Variants in MAF observed in about 807,000 individuals in gnomAD.
MAF encodes transcription factor Maf.
Under a neutral mutation model 22.0 loss-of-function variants are expected in MAF, and 10 were observed. The observed-to-expected ratio is 0.45, with a 90% CI of 0.28 to 0.77. The LOEUF is 0.77. Ranked by LOEUF, MAF falls within the 30% of genes least tolerant of loss-of-function variation. The probability of loss-of-function intolerance (pLI) is 0.12; values close to 1 mark genes in which losing one functional copy is unlikely to be tolerated. For synonymous variants in MAF, 337 were observed against 255.8 expected, an observed-to-expected ratio of 1.32 and a Z score of -3.03; for missense variants, 544 against 548.4, an observed-to-expected ratio of 0.99 and a Z score of 0.08.
the MAF span, among the ~76,000 whole-genome samples, chr16:79,375,075 A>T: frequency 1.3e-5 from 2 of 152,180 alleles, no homozygotes; most frequent in African/African-American, 2.4e-5. Flanking sequence ...GTTCTTGGTG[A>T]TCATTTGTAG....
At chr16:79,589,478 G>A (rs1913057549), downstream of MAF, among the ~76,000 whole-genome samples, 1 of 151,184 alleles carries the variant, frequency 6.6e-6, no homozygotes, top group Non-Finnish European at 1.5e-5. Flanking sequence ...GTCTCTAACC[G>A]AAGCAGGAAA....
At chr16:79,325,602 C>CACAT in the MAF span, among the ~76,000 whole-genome samples, 1 of 107,882 alleles carries the variant, frequency 9.3e-6, no homozygotes, top group Non-Finnish European at 1.9e-5. Flanking sequence ...GACACAAACA[C>CACAT]ACACACACAC....
chr16:79,504,667 G>A, the MAF span, among the ~76,000 whole-genome samples: 3 of 152,124 alleles, frequency 2.0e-5, no homozygotes, highest in South Asian at 4.1e-4. Flanking sequence ...ATGAATGTAT[G>A]TTTGATGGAT....
the MAF span, among the ~76,000 whole-genome samples, chr16:79,535,315 T>C: frequency 6.6e-6 from 1 of 151,670 alleles, no homozygotes; most frequent in East Asian, 2.0e-4. Context: ...AACATGTAGC[T>C]TCCTTATTTT....
At chr16:79,582,719 T>A (rs1912597032), downstream of MAF, among the ~76,000 whole-genome samples, 1 of 152,254 alleles carries the variant, frequency 6.6e-6, no homozygotes, top group Non-Finnish European at 1.5e-5. Context: ...TGTTTGGCCT[T>A]ATTTTCTCAG....
chr16:79,284,430 T>C, the MAF span, among the ~76,000 whole-genome samples: 5 of 152,186 alleles, frequency 3.3e-5, no homozygotes, highest in Admixed American at 3.3e-4. Flanking sequence ...GGCAACTATA[T>C]GCTGGGCCTA....
chr16:79,252,737 G>A, the MAF span, among the ~76,000 whole-genome samples: 9 of 152,096 alleles, frequency 5.9e-5, no homozygotes, highest in Non-Finnish European at 1.2e-4. Context: ...TGATCCGCCC[G>A]CCTCAGGCTC....
the MAF span, among the ~76,000 whole-genome samples, chr16:79,307,278 G>A: frequency 2.6e-5 from 4 of 152,206 alleles, no homozygotes; most frequent in East Asian, 7.7e-4. Flanking sequence ...CGTAGCCCTA[G>A]GAGCTGGCCC....
At chr16:79,444,329 T>A in the MAF span, among the ~76,000 whole-genome samples, 1 of 152,128 alleles carries the variant, frequency 6.6e-6, no homozygotes, top group Admixed American at 6.5e-5. Context: ...CTTTCAGAAA[T>A]CTCATACAAT....
the MAF span, among the ~76,000 whole-genome samples, chr16:79,510,150 T>G: frequency 6.6e-6 from 1 of 152,300 alleles, no homozygotes; most frequent in South Asian, 2.1e-4. Context: ...GTACAACAAC[T>G]GTGTTTATCC....
the MAF span, among the ~76,000 whole-genome samples, chr16:79,282,341 G>A: frequency 1.3e-5 from 2 of 152,172 alleles, no homozygotes; most frequent in Non-Finnish European, 1.5e-5. Flanking sequence ...TAGGAGGTTG[G>A]TGGATCAATT....
chr16:79,392,171 GGAAGAAGGAAGA>G, the MAF span, among the ~76,000 whole-genome samples: 71 of 146,042 alleles, frequency 4.9e-4, no homozygotes, highest in Non-Finnish European at 8.6e-4. Flanking sequence ...AAGGAGAGAG[GGAAGAAGGAAGA>G]GAAGAAGGAG....
At chr16:79,381,176 G>C in the MAF span, among the ~76,000 whole-genome samples, 1 of 151,996 alleles carries the variant, frequency 6.6e-6, no homozygotes, top group Non-Finnish European at 1.5e-5. Context: ...TCAACAGCAT[G>C]TGCCTGCTTT....
the MAF span, among the ~76,000 whole-genome samples, chr16:79,214,506 C>A: frequency 6.6e-6 from 1 of 151,926 alleles, no homozygotes; most frequent in Non-Finnish European, 1.5e-5. Flanking sequence ...CCCAGGTTCA[C>A]GCGATTCTCC....
chr16:79,260,487 A>ATATCTG, the MAF span, among the ~76,000 whole-genome samples: 1 of 150,314 alleles, frequency 6.7e-6, no homozygotes, highest in Non-Finnish European at 1.5e-5. Flanking sequence ...ATCTATATCT[A>ATATCTG]TATCTATATC....
chr16:79,452,720 T>C, the MAF span, among the ~76,000 whole-genome samples: 1 of 152,108 alleles, frequency 6.6e-6, no homozygotes, highest in Non-Finnish European at 1.5e-5. Context: ...TGAGTCCTCG[T>C]TAAAGGGATG....
chr16:79,588,761 C>A (rs1913014574), intron 1 of MAF, among the ~76,000 whole-genome samples: 1 of 152,024 alleles, frequency 6.6e-6, no homozygotes, highest in South Asian at 2.1e-4. Flanking sequence ...CACACCGGGC[C>A]AGATTTATCT....
the MAF span, among the ~76,000 whole-genome samples, chr16:79,256,138 C>T: frequency 8.6e-5 from 13 of 150,904 alleles, no homozygotes; most frequent in African/African-American, 2.4e-4. Flanking sequence ...CATGCCACGA[C>T]GCCCAGCTAA....
chr16:79,451,268 G>A, the MAF span, among the ~76,000 whole-genome samples: 4 of 152,236 alleles, frequency 2.6e-5, no homozygotes, highest in South Asian at 8.3e-4. Context: ...TATGTGGTAG[G>A]CATTTATAAG....
Sources: gnomAD v4.1 joint callset for allele counts (sites outside exome capture counted in the v4.1 genomes callset) on GRCh38, gnomAD v4.1.1 for gene constraint, MANE v1.5 for transcripts, NCBI Gene and HGNC (gene_info 2026-07-23, HGNC 2026-07-21) for gene names.